Variants in RTN1 observed in about 807,000 individuals in gnomAD.
RTN1 encodes reticulon 1, also known as reticulon-1.
A neutral mutation model predicts 65.5 loss-of-function variants in RTN1; 25 were observed. That is an observed-to-expected ratio of 0.38 (90% confidence interval 0.28 to 0.53). The LOEUF is 0.53. Ranked by LOEUF, RTN1 falls within the 20% of genes least tolerant of loss-of-function variation. The probability of loss-of-function intolerance (pLI) is 0.79; values close to 1 mark genes in which losing one functional copy is unlikely to be tolerated. For synonymous variants in RTN1, 471 were observed against 447.6 expected (o/e 1.05, Z -0.66); for missense variants, 983 against 1,025.4 (o/e 0.96, Z 0.57).
intron 8 of RTN1, among the ~76,000 whole-genome samples, chr14:59,598,083 A>T (rs1384528624): frequency 2.0e-5 from 3 of 152,140 alleles, no homozygotes; most frequent in Non-Finnish European, 4.4e-5. Flanking sequence ...TGTAAAAAAA[A>T]AATTGGGAAA....
intron 3 of RTN1, among the ~76,000 whole-genome samples, chr14:59,678,740 G>C (rs1883681714): frequency 6.6e-6 from 1 of 152,142 alleles, no homozygotes; most frequent in African/African-American, 2.4e-5. Flanking sequence ...GTGTGGAAGA[G>C]ACTTTAACAG....
intron 3 of RTN1, among the ~76,000 whole-genome samples, chr14:59,623,666 T>C (rs1882315956): frequency 6.6e-6 from 1 of 152,356 alleles, no homozygotes; most frequent in South Asian, 2.1e-4. Context: ...CAACCATAAT[T>C]AGCCACAAAA....
intron 1 of RTN1, among the ~76,000 whole-genome samples, chr14:59,815,074 T>C (rs1318412679): frequency 6.6e-6 from 1 of 152,244 alleles, no homozygotes; most frequent in African/African-American, 2.4e-5. Context: ...ACAGGGCATG[T>C]AATATATTAC....
chr14:59,680,385 T>C (rs1883720536), intron 3 of RTN1, among the ~76,000 whole-genome samples: 1 of 152,190 alleles, frequency 6.6e-6, no homozygotes, highest in African/African-American at 2.4e-5. Flanking sequence ...TGAATTCCAT[T>C]TTAAAGTTAT....
At chr14:59,736,127 A>C (rs2139492622) in intron 2 of RTN1, among the ~76,000 whole-genome samples, 1 of 152,308 alleles carries the variant, frequency 6.6e-6, no homozygotes, top group Non-Finnish European at 1.5e-5. Context: ...CACAACTAAA[A>C]GAACTAGAGA....
chr14:59,750,802 C>A (rs1387085983), intron 1 of RTN1, among the ~76,000 whole-genome samples: 2 of 134,878 alleles, frequency 1.5e-5, no homozygotes, highest in African/African-American at 5.7e-5. Context: ...GCAGCCTCAA[C>A]CTATAGGCTC....
intron 3 of RTN1, among the ~76,000 whole-genome samples, chr14:59,614,107 G>A (rs964209427): frequency 6.6e-6 from 1 of 152,174 alleles, no homozygotes; most frequent in Admixed American, 6.5e-5. Context: ...ACTCCCAGGA[G>A]AGATGGGCTG....
chr14:59,810,936 G>A (rs1396370823), intron 1 of RTN1, among the ~76,000 whole-genome samples: 1 of 152,166 alleles, frequency 6.6e-6, no homozygotes, highest in African/African-American at 2.4e-5. Flanking sequence ...ACCCTGGATT[G>A]TAGCTGCAGC....
chr14:59,603,253 C>G lies in RTN1; in HGVS notation c.2188G>C (p.Val730Leu). The G allele has an allele frequency of 6.2e-7, 1 of 1,612,178 alleles. No homozygotes were observed. Among genetic ancestry groups the G allele is most frequent in the South Asian group, 1.1e-5 (1 of 90,652 alleles). The change falls in exon 7 of 9, where the codon GTT becomes CTT. Residue 730 changes from valine to leucine, a missense_variant. Physicochemically the swap from Val to Leu is conservative, Grantham distance 32 (BLOSUM62 1). Coordinates refer to ENST00000267484, the MANE Select transcript of RTN1 (RefSeq NM_021136.3). Reference sequence around the variant, plus strand: ...ACTACAGGTAGAGTAAACATTGAAACCACAGCTGGGATGAAAAACAAATAT... The same window carrying G: ...ACTACAGGTAGAGTAAACATTGAAAGCACAGCTGGGATGAAAAACAAATAT... ...NGLTLLLMAVVSMFTLPVVYV... is the reference protein window; with the variant it reads ...NGLTLLLMAVLSMFTLPVVYV...
Position 59,745,786 on chromosome 14 carries a change from C to G in RTN1, c.937G>C (p.Asp313His). ...GAGACAGTGACAGTGGGGACTGTGTCAGGACTTGGCTTTAGACATATATCT... is the reference window on the plus strand; with the variant it reads ...GAGACAGTGACAGTGGGGACTGTGTGAGGACTTGGCTTTAGACATATATCT... ...KQDICLKPSP[D>H]TVPTVTVSEP... is the part of the protein sequence containing the mutation. The change falls in exon 2 of 9, where the codon GAC becomes CAC. Residue 313 changes from aspartate to histidine, a missense_variant. Transcript: ENST00000267484. 6.2e-7 allele frequency: 1 copy of G among 1,613,954 alleles called. No individual in the cohort carries two copies. Among genetic ancestry groups the G allele is most frequent in the Non-Finnish European group, 8.5e-7 (1 of 1,179,996 alleles).
rs78120778 is a variant in RTN1, at chr14:59,790,280, C to G, written c.242-43799G>C. On this transcript the variant is annotated intron_variant, in intron 1 of 8. Coordinates refer to ENST00000267484, the MANE Select transcript of RTN1 (RefSeq NM_021136.3). The surrounding 1 kb of genome is among the most constrained non-coding windows in gnomAD (Gnocchi z 4.1). ...TCATTATGTATGTCACACACACACACAGACACACACACACACCTCTAGGAA... is the reference window on the plus strand; with the variant it reads ...TCATTATGTATGTCACACACACACAGAGACACACACACACACCTCTAGGAA... Among the ~76,000 whole-genome samples the G allele has an allele frequency of 3.8e-3, 585 of 152,040 alleles. 19 individuals are homozygous for G. The East Asian group carries it at 0.056, about 15-fold the overall frequency.
intron 1 of RTN1, among the ~76,000 whole-genome samples, chr14:59,787,736 T>A (rs898212538): frequency 6.6e-5 from 10 of 152,160 alleles, no homozygotes; most frequent in Non-Finnish European, 1.2e-4. Context: ...TGGGGTCTCA[T>A]GTAGACTGGG....
chr14:59,686,240 T>C (rs1356210241), intron 3 of RTN1, among the ~76,000 whole-genome samples: 1 of 152,160 alleles, frequency 6.6e-6, no homozygotes, highest in East Asian at 1.9e-4. Flanking sequence ...GGGAGAAAGC[T>C]CTGTGACACT....
chr14:59,715,825 C>CA (rs76299030), intron 3 of RTN1, among the ~76,000 whole-genome samples: 7,374 of 88,210 alleles, frequency 0.084, 375 homozygotes, highest in African/African-American at 0.16. Context: ...GACTCCATCT[C>CA]AAAAAAAAAA....
intron 3 of RTN1, among the ~76,000 whole-genome samples, chr14:59,633,926 G>A (rs116295836): frequency 1.4e-3 from 208 of 152,320 alleles, no homozygotes; most frequent in African/African-American, 4.6e-3. Flanking sequence ...AGTGGCATCT[G>A]CATTGATACA....
intron 1 of RTN1, among the ~76,000 whole-genome samples, chr14:59,857,914 A>G (rs1887636575): frequency 6.6e-6 from 1 of 152,102 alleles, no homozygotes; most frequent in Non-Finnish European, 1.5e-5. Flanking sequence ...CTTCCTTGTC[A>G]TCATCCCCAT....
chr14:59,750,475 ATATATCTATAATATATATAT>A (rs1272037884), intron 1 of RTN1, among the ~76,000 whole-genome samples: 22 of 42,658 alleles, frequency 5.2e-4, no homozygotes, highest in Admixed American at 8.7e-4. Context: ...ATAATATATA[ATATATCTATAATATATATAT>A]TATATCTATA....
chr14:59,654,968 G>C (rs1038897390), intron 3 of RTN1, among the ~76,000 whole-genome samples: 1 of 152,102 alleles, frequency 6.6e-6, no homozygotes, highest in Non-Finnish European at 1.5e-5. Flanking sequence ...CTAGGGCAAT[G>C]AAACAAGAAA....
At chr14:59,687,405 G>A (rs1393128946) in intron 3 of RTN1, among the ~76,000 whole-genome samples, 1 of 151,716 alleles carries the variant, frequency 6.6e-6, no homozygotes, top group East Asian at 2.1e-4. Flanking sequence ...TATCCTTCCT[G>A]TGCATAGATC....
Sources: allele counts gnomAD v4.1 joint callset (sites outside exome capture counted in the v4.1 genomes callset), GRCh38; gene constraint gnomAD v4.1.1; non-coding constraint Gnocchi (gnomAD v3.1); transcripts MANE v1.5; gene names NCBI Gene and HGNC (gene_info 2026-07-23, HGNC 2026-07-21).